Variants in PPP1R13B observed in about 807,000 individuals in gnomAD.
The protein encoded by PPP1R13B is apoptosis-stimulating of p53 protein 1.
In PPP1R13B, 44 loss-of-function variants were observed where a neutral mutation model predicts 119.8. The ratio of observed to expected loss-of-function variants is 0.37; its 90% confidence interval spans 0.29 to 0.47. The LOEUF (loss-of-function observed/expected upper bound fraction) is 0.47, where lower values mean the gene tolerates loss of function less well. Among genes scored for constraint, PPP1R13B ranks in the 20% least tolerant of loss-of-function variants. The probability of loss-of-function intolerance (pLI) is 0.99; values close to 1 mark genes in which losing one functional copy is unlikely to be tolerated. For missense variants in PPP1R13B, 1,227 were observed against 1,413.5 expected (o/e 0.87, Z 2.12); for synonymous variants, 542 against 561.5 (o/e 0.97, Z 0.49).
At chr14:103,825,890 G>C (rs1399767280) in intron 1 of PPP1R13B, among the ~76,000 whole-genome samples, 5 of 151,070 alleles carry the variant, frequency 3.3e-5, no homozygotes, top group African/African-American at 1.2e-4. Context: ...TATCGCCAAG[G>C]CTGGAGTACA....
rs1244567347 is a variant in PPP1R13B, at chr14:103,741,816, C to T, written c.1796G>A (p.Ser599Asn). The change falls in exon 11 of 17, where the codon AGC becomes AAC. Residue 599 changes from serine to asparagine, a missense_variant. Coordinates refer to ENST00000202556, the MANE Select transcript of PPP1R13B (RefSeq NM_015316.3). ...PPKNYQPAAH[S>N]ALNKSVKAVY... ...TGCTTTAACTGACTTATTTAAGGCG[C>T]TGTGTGCTGCCGGCTGGTAATTCTT... The T allele has an allele frequency of 1.9e-6, 3 of 1,614,070 alleles. No homozygotes were observed. The highest frequency in any genetic ancestry group is 2.5e-6 in the Non-Finnish European group (3 of 1,180,022).
chr14:103,839,066 G>A (rs1022381893), intron 1 of PPP1R13B, among the ~76,000 whole-genome samples: 1 of 151,876 alleles, frequency 6.6e-6, no homozygotes, highest in Non-Finnish European at 1.5e-5. Flanking sequence ...GTGCAATCTC[G>A]GCTCACCGCA....
intron 1 of PPP1R13B, among the ~76,000 whole-genome samples, chr14:103,799,600 AC>A (rs1414404398): frequency 6.8e-5 from 10 of 147,656 alleles, no homozygotes; most frequent in African/African-American, 2.5e-4. Context: ...GGCGTGAGCC[AC>A]TGTGCCGGGT....
At chr14:103,778,404 G>A (rs1382034124) in intron 4 of PPP1R13B, among the ~76,000 whole-genome samples, 1 of 151,774 alleles carries the variant, frequency 6.6e-6, no homozygotes, top group African/African-American at 2.4e-5. Flanking sequence ...TGGGACTACA[G>A]GCGCATGCCA....
intron 1 of PPP1R13B, among the ~76,000 whole-genome samples, chr14:103,805,772 C>T (rs2086002877): frequency 6.6e-6 from 1 of 152,146 alleles, no homozygotes; most frequent in Non-Finnish European, 1.5e-5. Context: ...AGAGGCCAGA[C>T]ACAAAAGACC....
chr14:103,733,454 T>C lies in PPP1R13B; in HGVS notation c.*1700A>G, dbSNP rs1413279231. 1 of 168,030 alleles carries C rather than the reference T, an allele frequency of 6.0e-6. No homozygotes were observed. The highest frequency in any genetic ancestry group is 2.4e-5 in the African/African-American group (1 of 41,682). 10.4% of individuals were successfully genotyped at this position (168,030 alleles called of 1,614,324 possible). A position where few individuals can be genotyped will look rare whatever the true frequency, so the allele number is the denominator to read the frequency against. ...GCCTGTTCGCCTCTAATAGCCAGTT[T>C]ACAGCACTTGCCTTAGCCTGTTTCA... is the stretch of plus-strand genomic sequence containing the variant. On this transcript the variant is annotated 3_prime_UTR_variant, in exon 17 of 17. Coordinates refer to ENST00000202556, the MANE Select transcript of PPP1R13B (RefSeq NM_015316.3).
chr14:103,735,568 A>T (rs1424917809), intron 16 of PPP1R13B, among the ~76,000 whole-genome samples: 9 of 152,214 alleles, frequency 5.9e-5, no homozygotes, highest in Admixed American at 5.9e-4. Flanking sequence ...CAAAGAGAGC[A>T]GAGGCAGCTC....
intron 1 of PPP1R13B, among the ~76,000 whole-genome samples, chr14:103,833,505 T>C (rs61995819): frequency 2.6e-5 from 4 of 152,212 alleles, no homozygotes; most frequent in African/African-American, 9.6e-5. Context: ...TAGCTGGGTG[T>C]TGTTGTGCAC....
At chr14:103,826,737 A>ACG (rs1567154312) in intron 1 of PPP1R13B, among the ~76,000 whole-genome samples, 11 of 150,578 alleles carry the variant, frequency 7.3e-5, no homozygotes, top group Non-Finnish European at 1.3e-4. Context: ...AGCCAGGTGC[A>ACG]GTGGCTCATG....
At chr14:103,778,126 G>C (rs577084411) in intron 4 of PPP1R13B, among the ~76,000 whole-genome samples, 14 of 150,194 alleles carry the variant, frequency 9.3e-5, no homozygotes, top group Non-Finnish European at 1.8e-4. Context: ...TAATTTTTTT[G>C]TATTTTTAGT....
intron 1 of PPP1R13B, among the ~76,000 whole-genome samples, chr14:103,843,821 C>CTGAAA (rs2086963682): frequency 1.3e-5 from 2 of 151,950 alleles, no homozygotes. Flanking sequence ...GGCGTGGCGG[C>CTGAAA]GCACGCCTGT....
chr14:103,829,871 C>T (rs998336322), intron 1 of PPP1R13B, among the ~76,000 whole-genome samples: 6 of 152,122 alleles, frequency 3.9e-5, no homozygotes, highest in Non-Finnish European at 8.8e-5. Context: ...CTCCACCTCC[C>T]GGGTTCAAGC....
chr14:103,771,698 C>T (rs2085073796), intron 4 of PPP1R13B, among the ~76,000 whole-genome samples: 1 of 152,028 alleles, frequency 6.6e-6, no homozygotes, highest in Admixed American at 6.6e-5. Context: ...CCAGGCTAGT[C>T]TAGAACTCCT....
intron 2 of PPP1R13B, among the ~76,000 whole-genome samples, chr14:103,795,506 C>T (rs1435938461): frequency 1.3e-5 from 2 of 152,072 alleles, no homozygotes; most frequent in Admixed American, 6.6e-5. Flanking sequence ...TGGCACCAAC[C>T]GAGTGACTCG....
chr14:103,738,748 C>T lies in PPP1R13B; in HGVS notation c.2795G>A (p.Gly932Asp). 1 of 1,614,226 alleles carries T rather than the reference C, an allele frequency of 6.2e-7. No individual in the cohort carries two copies. Among genetic ancestry groups the T allele is most frequent in the African/African-American group, 1.3e-5 (1 of 75,058 alleles). ...CAGGAACTTCACGATGTGATGGTGG[C>T]CGGCGCAGACGGCGTTGTGCAGTGG... The part of the protein sequence containing the change: ...ITPLHNAVCA[G>D]HHHIVKFLLD... The change falls in exon 14 of 17, where the codon GGC becomes GAC. Residue 932 changes from glycine (G) to aspartate (D), a missense_variant. By Grantham distance (94) the Gly-to-Asp change is moderately conservative. Coordinates refer to ENST00000202556, the MANE Select transcript of PPP1R13B (RefSeq NM_015316.3). This position sits in a 1 kb window ranked among gnomAD's most constrained non-coding sequence, Gnocchi z 5.6.
chr14:103,829,952 T>C (rs578165022), intron 1 of PPP1R13B, among the ~76,000 whole-genome samples: 1 of 152,074 alleles, frequency 6.6e-6, no homozygotes, highest in African/African-American at 2.4e-5. Flanking sequence ...CTAATTTTTG[T>C]ATTTTTAGTA....
At chr14:103,833,974 G>A (rs2086716618) in intron 1 of PPP1R13B, among the ~76,000 whole-genome samples, 2 of 152,344 alleles carry the variant, frequency 1.3e-5, no homozygotes, top group South Asian at 2.1e-4. Flanking sequence ...ATGCCTACCA[G>A]AGACCAACAA....
intron 4 of PPP1R13B, among the ~76,000 whole-genome samples, chr14:103,769,653 T>C (rs2085019549): frequency 6.6e-6 from 1 of 152,344 alleles, no homozygotes; most frequent in East Asian, 1.9e-4. Flanking sequence ...AAAACCTACT[T>C]ATGCTCACGT....
chr14:103,846,609 C>T (rs1045151639), intron 1 of PPP1R13B, among the ~76,000 whole-genome samples: 1 of 152,140 alleles, frequency 6.6e-6, no homozygotes, highest in African/African-American at 2.4e-5. Flanking sequence ...CCCTCCTATT[C>T]AGATTATAGG....
Sources: allele counts gnomAD v4.1 joint callset (sites outside exome capture counted in the v4.1 genomes callset), GRCh38; gene constraint gnomAD v4.1.1; non-coding constraint Gnocchi (gnomAD v3.1); transcripts MANE v1.5; gene names NCBI Gene and HGNC (gene_info 2026-07-23, HGNC 2026-07-21).